Variants in GALNT13 observed in about 807,000 individuals in gnomAD.
GALNT13 encodes the protein polypeptide N-acetylgalactosaminyltransferase 13.
A neutral mutation model predicts 64.2 loss-of-function variants in GALNT13; 28 were observed. The observed-to-expected ratio is 0.44, with a 90% confidence interval of 0.32 to 0.60. The LOEUF (loss-of-function observed/expected upper bound fraction) is 0.60. Ranked by LOEUF, GALNT13 falls within the 20% of genes least tolerant of loss-of-function variation. The probability of loss-of-function intolerance (pLI) is 0.05; values close to 1 mark genes in which losing one functional copy is unlikely to be tolerated. For missense variants in GALNT13, 577 were observed against 669.8 expected, an observed-to-expected ratio of 0.86 and a Z score of 1.53; for synonymous variants, 214 against 224.6, an observed-to-expected ratio of 0.95 and a Z score of 0.42.
the GALNT13 span, among the ~76,000 whole-genome samples, chr2:153,853,481 T>C: frequency 6.6e-6 from 1 of 152,206 alleles, no homozygotes; most frequent in South Asian, 2.1e-4. Flanking sequence ...AATTGTCATA[T>C]AAATTATATA....
the GALNT13 span, among the ~76,000 whole-genome samples, chr2:153,083,734 T>G: frequency 6.6e-6 from 1 of 152,256 alleles, no homozygotes; most frequent in Non-Finnish European, 1.5e-5. Context: ...AGAAGCTTTT[T>G]CATTTAATGA....
intron 2 of GALNT13, among the ~76,000 whole-genome samples, chr2:153,938,334 G>C (rs1558863734): frequency 6.6e-6 from 1 of 152,134 alleles, no homozygotes; most frequent in Non-Finnish European, 1.5e-5. Context: ...GATGCATAGT[G>C]ATCAGCCATG....
chr2:153,987,548 C>G (rs975121501), intron 3 of GALNT13, among the ~76,000 whole-genome samples: 2 of 151,536 alleles, frequency 1.3e-5, no homozygotes, highest in Non-Finnish European at 2.9e-5. Flanking sequence ...ATAGTAAAGC[C>G]TAGTCTTATG....
the GALNT13 span, among the ~76,000 whole-genome samples, chr2:153,795,854 A>G: frequency 3.3e-5 from 5 of 152,338 alleles, no homozygotes; most frequent in Admixed American, 3.3e-4. Context: ...ACACGCAGTC[A>G]ATTCACAATT....
chr2:154,008,034 T>A (rs997965376), intron 3 of GALNT13, among the ~76,000 whole-genome samples: 1 of 152,214 alleles, frequency 6.6e-6, no homozygotes, highest in African/African-American at 2.4e-5. Flanking sequence ...TGGATGTTCA[T>A]CCTCAACTTG....
At chr2:154,005,489 T>C (rs947538152) in intron 3 of GALNT13, among the ~76,000 whole-genome samples, 2 of 152,164 alleles carry the variant, frequency 1.3e-5, no homozygotes, top group Non-Finnish European at 2.9e-5. Flanking sequence ...TTCAGTTGTT[T>C]GCAATGTGGT....
At chr2:153,147,006 G>A in the GALNT13 span, among the ~76,000 whole-genome samples, 1 of 151,758 alleles carries the variant, frequency 6.6e-6, no homozygotes, top group Non-Finnish European at 1.5e-5. Context: ...GCAGAATATA[G>A]TAGAAAACCA....
intron 3 of GALNT13, among the ~76,000 whole-genome samples, chr2:154,109,444 T>G (rs933680653): frequency 1.3e-5 from 2 of 152,138 alleles, no homozygotes; most frequent in African/African-American, 4.8e-5. Context: ...TACTTCTTCC[T>G]TTTCTATTCA....
chr2:153,796,005 C>A, the GALNT13 span, among the ~76,000 whole-genome samples: 1 of 152,154 alleles, frequency 6.6e-6, no homozygotes, highest in African/African-American at 2.4e-5. Context: ...GAATGCAAGT[C>A]GAGAAGAAAG....
At chr2:154,076,911 T>C (rs1701018028) in intron 3 of GALNT13, among the ~76,000 whole-genome samples, 1 of 151,666 alleles carries the variant, frequency 6.6e-6, no homozygotes, top group African/African-American at 2.4e-5. Flanking sequence ...TTTTGCTTCT[T>C]TGCTATATTC....
the GALNT13 span, among the ~76,000 whole-genome samples, chr2:153,427,428 C>T: frequency 6.6e-6 from 1 of 151,608 alleles, no homozygotes; most frequent in African/African-American, 2.4e-5. Flanking sequence ...TAGAAAAGCA[C>T]ATTAAATGGG....
the GALNT13 span, among the ~76,000 whole-genome samples, chr2:153,499,779 A>C: frequency 6.6e-6 from 1 of 152,228 alleles, no homozygotes; most frequent in Non-Finnish European, 1.5e-5. Flanking sequence ...AAATCAGAGC[A>C]TCCACCTGGA....
At chr2:154,293,132 A>C (rs1692736018) in intron 8 of GALNT13, among the ~76,000 whole-genome samples, 1 of 152,206 alleles carries the variant, frequency 6.6e-6, no homozygotes, top group Admixed American at 6.5e-5. Flanking sequence ...AAAATATAAA[A>C]TATTAATCTG....
chr2:154,346,808 A>G (rs904229747), intron 9 of GALNT13, among the ~76,000 whole-genome samples: 5 of 152,106 alleles, frequency 3.3e-5, no homozygotes, highest in African/African-American at 1.2e-4. Context: ...TACTGCATGT[A>G]TTTACTGCCT....
chr2:153,421,662 G>C, the GALNT13 span: 3 of 281,186 alleles, frequency 1.1e-5, no homozygotes, highest in Non-Finnish European at 2.2e-5. Context: ...CCCAGGCATA[G>C]TTATGGGCAG....
the GALNT13 span, among the ~76,000 whole-genome samples, chr2:153,579,153 TTC>T: frequency 6.6e-6 from 1 of 152,218 alleles, no homozygotes; most frequent in African/African-American, 2.4e-5. Flanking sequence ...TTTTGTGTCC[TTC>T]TCTCTACCTA....
intron 3 of GALNT13, among the ~76,000 whole-genome samples, chr2:154,072,535 C>T (rs1558942581): frequency 6.6e-6 from 1 of 151,952 alleles, no homozygotes; most frequent in Non-Finnish European, 1.5e-5. Flanking sequence ...CCCTCTAGCT[C>T]ATAACTATTA....
At chr2:154,293,360 T>C (rs1692748914) in intron 8 of GALNT13, among the ~76,000 whole-genome samples, 1 of 152,196 alleles carries the variant, frequency 6.6e-6, no homozygotes, top group Admixed American at 6.5e-5. Flanking sequence ...TGGACATTGA[T>C]GTTGTAATTT....
At chr2:153,447,817 A>T in the GALNT13 span, among the ~76,000 whole-genome samples, 56 of 152,192 alleles carry the variant, frequency 3.7e-4, no homozygotes, top group Non-Finnish European at 7.5e-4. Flanking sequence ...AAATTGATTT[A>T]AAAAATGGAC....
Sources: allele counts gnomAD v4.1 joint callset (sites outside exome capture counted in the v4.1 genomes callset), GRCh38; gene constraint gnomAD v4.1.1; transcripts MANE v1.5; gene names NCBI Gene and HGNC (gene_info 2026-07-23, HGNC 2026-07-21).